NCAPD3: variants seen among roughly 807,000 people sequenced by gnomAD.
The protein encoded by NCAPD3 is non-SMC condensin II complex subunit D3, also known as condensin-2 complex subunit D3.
Under a neutral mutation model 182.9 loss-of-function variants are expected in NCAPD3, and 105 were observed. The observed-to-expected ratio is 0.57, with a 90% CI of 0.49 to 0.68. The LOEUF is 0.68. Among genes scored for constraint, NCAPD3 ranks in the 30% least tolerant of loss-of-function variants. The pLI, the probability that NCAPD3 is intolerant of heterozygous loss-of-function variation, is 0.00. For missense variants in NCAPD3, 1,944 were observed against 1,837.0 expected (o/e 1.06, Z -1.07); for synonymous variants, 815 against 679.9 (o/e 1.20, Z -3.09).
intron 3 of NCAPD3, among the ~76,000 whole-genome samples, chr11:134,216,624 GAAGA>G (rs1591865537): frequency 6.6e-6 from 1 of 152,186 alleles, no homozygotes; most frequent in Non-Finnish European, 1.5e-5. Context: ...GGAATCATGA[GAAGA>G]AAGGGCAATA....
intron 23 of NCAPD3, 60 bp from the exon 24 acceptor site, chr11:134,176,446 CCCAG>C (rs1221297585): frequency 8.7e-6 from 12 of 1,384,798 alleles, no homozygotes; most frequent in Admixed American, 1.7e-5. Flanking sequence ...CCTCACTGTT[CCCAG>C]CCACACCCCA....
chr11:134,209,080 T>A, intron 6 of NCAPD3, 65 bp downstream of exon 6: 1 of 1,543,956 alleles, frequency 6.5e-7, no homozygotes, highest in Non-Finnish European at 8.9e-7. Context: ...GTATTTCCAT[T>A]TCTGCTGGAG....
upstream of NCAPD3, chr11:134,224,153 G>A: frequency 1.7e-6 from 1 of 603,242 alleles, no homozygotes; most frequent in Non-Finnish European, 2.9e-6. Flanking sequence ...TCCTGCGGGT[G>A]TTCCGCTAAT....
intron 22 of NCAPD3, 192 bp from the exon 23 acceptor site, chr11:134,177,649 G>C: frequency 3.4e-6 from 2 of 591,232 alleles, no homozygotes; most frequent in East Asian, 2.8e-5. Context: ...TACCTAAGGA[G>C]AAATAAACTC....
At chr11:134,175,648 T>C (rs371537604) in intron 24 of NCAPD3, among the ~76,000 whole-genome samples, 1 of 152,196 alleles carries the variant, frequency 6.6e-6, no homozygotes, top group Non-Finnish European at 1.5e-5. Context: ...AGCATTCTAC[T>C]TTCCAACTGC....
At position 134,185,420 on chromosome 11, in the gene NCAPD3, C is replaced by G. The variant is rs879186739; in HGVS notation, c.2152G>C (p.Ala718Pro). 2 of 1,614,020 alleles carry G rather than the reference C, an allele frequency of 1.2e-6. No homozygotes were observed. Among genetic ancestry groups the G allele is most frequent in the South Asian group, 2.2e-5 (2 of 91,072 alleles). The change falls in exon 17 of 35, where the codon GCC becomes CCC. Residue 718 changes from alanine (A) to proline (P), a missense_variant. This residue lies in a region of NCAPD3 where 1,803 missense variants were observed against 1,674.6 expected (regional missense o/e 1.08). Coordinates refer to ENST00000534548, the MANE Select transcript of NCAPD3 (RefSeq NM_015261.3). ...GCAATCTTGGAGAGCAGCATCCAGGCAGGTGCCGAATGTTCCGTGCCAGTG... is the reference window on the plus strand; with the variant it reads ...GCAATCTTGGAGAGCAGCATCCAGGGAGGTGCCGAATGTTCCGTGCCAGTG... ...SHTGTEHSAP[A>P]WMLLSKIAGS... is the part of the protein sequence containing the mutation.
At position 134,193,761 on chromosome 11, in the gene NCAPD3, A is replaced by G. The variant is rs538960304; in HGVS notation, c.1824+255T>C. Among the ~76,000 whole-genome samples, 21 of 152,294 alleles carry G rather than the reference A, an allele frequency of 1.4e-4. No homozygotes were observed. In the South Asian group the frequency reaches 2.3e-3, roughly 17 times the overall value. ...AGAGCAGGACTCTGTCTCAAAAATAATAATAATAACAATAAAGTGAAGAAA... is the reference window on the plus strand; with the variant it reads ...AGAGCAGGACTCTGTCTCAAAAATAGTAATAATAACAATAAAGTGAAGAAA... On this transcript the variant is annotated intron_variant, in intron 15 of 34. Transcript: ENST00000534548.
chr11:134,204,890 A>C lies in NCAPD3; in HGVS notation c.1089+9T>G. The C allele has an allele frequency of 6.2e-7, 1 of 1,600,998 alleles. No homozygotes were observed. Among genetic ancestry groups the C allele is most frequent in the Non-Finnish European group, 8.6e-7 (1 of 1,168,486 alleles). On this transcript the variant is annotated intron_variant, in intron 9 of 34. Coordinates refer to ENST00000534548, the MANE Select transcript of NCAPD3 (RefSeq NM_015261.3). The surrounding 1 kb of genome is among the most constrained non-coding windows in gnomAD (Gnocchi z 4.3). ...TCCATGTTATTAATATTACTAAGGC[A>C]AACAGTACCTTGGCACAGATGTGCT...
chr11:134,199,655 G>C (rs1238561053), intron 13 of NCAPD3, among the ~76,000 whole-genome samples: 1 of 152,128 alleles, frequency 6.6e-6, no homozygotes, highest in Admixed American at 6.6e-5. Flanking sequence ...GCATTTTTTG[G>C]ATATGGTGTT....
At chr11:134,197,933 CGGT>C (rs1275011523) in intron 13 of NCAPD3, among the ~76,000 whole-genome samples, 1 of 152,162 alleles carries the variant, frequency 6.6e-6, no homozygotes. Flanking sequence ...TCGTACTCAG[CGGT>C]GAAGACCAAA....
chr11:134,170,390 G>A (rs962037044), intron 24 of NCAPD3, among the ~76,000 whole-genome samples: 16 of 152,304 alleles, frequency 1.1e-4, no homozygotes, highest in African/African-American at 3.6e-4. Context: ...AGCATCAGAT[G>A]AAGTTATTTC....
At chr11:134,168,892 G>T in intron 25 of NCAPD3, 25 bp downstream of exon 25, 1 of 1,605,072 alleles carries the variant, frequency 6.2e-7, no homozygotes, top group South Asian at 1.1e-5. Context: ...GATACAAGGA[G>T]ACCAGACTTA....
Position 134,192,870 on chromosome 11 carries a change from G to A in NCAPD3, c.1864C>T (p.Arg622Trp), listed in dbSNP as rs201744292. Residue 622 changes from arginine to tryptophan, a missense_variant, in exon 16 of 35, where the codon CGG becomes TGG. Coordinates refer to ENST00000534548, the MANE Select transcript of NCAPD3 (RefSeq NM_015261.3). ...RCVQIQKAWL[R>W]GVVPVVMDCE... Reference sequence around the variant, plus strand: ...TCCATCACCACCGGGACCACCCCCCGCAACCAGGCTTTCTGGATCTGCACG... The same window carrying A: ...TCCATCACCACCGGGACCACCCCCCACAACCAGGCTTTCTGGATCTGCACG... 1.7e-5 allele frequency: 27 copies of A among 1,613,402 alleles called. No homozygotes were observed. Among genetic ancestry groups the A allele is most frequent in the Admixed American group, 3.3e-5 (2 of 60,000 alleles).
At position 134,184,912 on chromosome 11, in the gene NCAPD3, T is replaced by C; in HGVS notation, c.2326A>G (p.Lys776Glu). The change falls in exon 18 of 35, where the codon AAA becomes GAA. Residue 776 changes from lysine to glutamate, a missense_variant. Coordinates refer to ENST00000534548, the MANE Select transcript of NCAPD3 (RefSeq NM_015261.3). ...TCCAGCAGACACTCACCAGTCACTTTGTCCCGGGTGCTCTTAGGAAGATGC... is the reference window on the plus strand; with the variant it reads ...TCCAGCAGACACTCACCAGTCACTTCGTCCCGGGTGCTCTTAGGAAGATGC... Reference protein sequence around the residue: ...AKHLPKSTRDKVTDAVKCKLN... With the variant: ...AKHLPKSTRDEVTDAVKCKLN... The C allele has an allele frequency of 6.2e-7, 1 of 1,610,158 alleles. No individual in the cohort carries two copies. The highest frequency in any genetic ancestry group is 8.5e-7 in the Non-Finnish European group (1 of 1,176,396).
At chr11:134,219,588 AT>A (rs908143761) in intron 2 of NCAPD3, among the ~76,000 whole-genome samples, 8 of 151,516 alleles carry the variant, frequency 5.3e-5, no homozygotes, top group African/African-American at 1.5e-4. Context: ...TTGGAAGTGA[AT>A]TTTTTTTTGT....
intron 13 of NCAPD3, among the ~76,000 whole-genome samples, chr11:134,197,412 G>A (rs12225938): frequency 1.3e-5 from 2 of 151,610 alleles, no homozygotes; most frequent in Non-Finnish European, 2.9e-5. Context: ...AAGTAGCTGA[G>A]ATTACAGGCA....
At chr11:134,174,046 A>C (rs756205949) in intron 24 of NCAPD3, among the ~76,000 whole-genome samples, 1 of 152,110 alleles carries the variant, frequency 6.6e-6, no homozygotes, top group Non-Finnish European at 1.5e-5. Flanking sequence ...AAAATTCAAT[A>C]GGCTCTGCCA....
Position 134,153,214 on chromosome 11 carries a change from A to G in NCAPD3, c.4328-14T>C. The G allele has an allele frequency of 6.2e-7, 1 of 1,613,736 alleles. No homozygotes were observed. The highest frequency in any genetic ancestry group is 8.5e-7 in the Non-Finnish European group (1 of 1,179,698). ...CTTCAATTTTCTCTAAAAGGGAGTC[A>G]AACAAACACATTCAGCTTTCCCAGA... On this transcript the variant is annotated splice_polypyrimidine_tract_variant and intron_variant, in intron 33 of 34. Transcript: ENST00000534548.
rs143481344 is a variant in NCAPD3 at position 134,163,236 on chromosome 11, T to C, written c.3574-1345A>G. 1.9e-4 allele frequency among the ~76,000 whole-genome samples: 29 copies of C among 152,202 alleles called. 1 individual carries two copies. In the East Asian group the frequency reaches 5.2e-3, roughly 27 times the overall value. ...AGTGAAGTATAACATATGTAATAAA[T>C]TTACCCATTTTAAACAAACACTTCC... On this transcript the variant is annotated intron_variant, in intron 27 of 34. Coordinates refer to ENST00000534548, the MANE Select transcript of NCAPD3 (RefSeq NM_015261.3).
Sources: allele counts gnomAD v4.1 joint callset (sites outside exome capture counted in the v4.1 genomes callset), GRCh38; gene constraint gnomAD v4.1.1; regional missense constraint gnomAD v4.1.1; non-coding constraint Gnocchi (gnomAD v3.1); transcripts MANE v1.5; gene names NCBI Gene and HGNC (gene_info 2026-07-23, HGNC 2026-07-21).